The following BBS9 variants were observed in gnomAD, a reference collection of about 807,000 sequenced individuals.
BBS9 encodes the protein protein PTHB1.
A neutral mutation model predicts 117.7 loss-of-function variants in BBS9; 89 were observed. That is an observed-to-expected ratio of 0.76 (90% CI 0.64 to 0.90). The LOEUF (loss-of-function observed/expected upper bound fraction) is 0.90. BBS9 is among the 40% of genes least tolerant of loss of function. The probability of loss-of-function intolerance (pLI) is 0.00; values close to 1 mark genes in which losing one functional copy is unlikely to be tolerated. For missense variants in BBS9, 982 were observed against 1,042.2 expected (o/e 0.94, Z 0.80); for synonymous variants, 379 against 370.9 (o/e 1.02, Z -0.25).
At chr7:33,483,383 C>G (rs1842728706) in intron 19 of BBS9, among the ~76,000 whole-genome samples, 1 of 152,142 alleles carries the variant, frequency 6.6e-6, no homozygotes, top group Non-Finnish European at 1.5e-5. Flanking sequence ...TGGCTCTGTT[C>G]AATGATAATG....
intron 21 of BBS9, among the ~76,000 whole-genome samples, chr7:33,571,091 G>T (rs1255671451): frequency 6.6e-6 from 1 of 152,260 alleles, no homozygotes; most frequent in Middle Eastern, 3.4e-3. Context: ...TTTTACTGTG[G>T]TTATATAAGA....
intron 19 of BBS9, among the ~76,000 whole-genome samples, chr7:33,428,310 A>T (rs1032146409): frequency 6.6e-6 from 1 of 152,188 alleles, no homozygotes; most frequent in African/African-American, 2.4e-5. Context: ...TTGAGTCAAT[A>T]TGCCGAATTC....
intron 21 of BBS9, among the ~76,000 whole-genome samples, chr7:33,628,977 C>A (rs1865765626): frequency 6.6e-6 from 1 of 152,146 alleles, no homozygotes; most frequent in South Asian, 2.1e-4. Flanking sequence ...CAGTAGTGCA[C>A]CCAGAGAACC....
chr7:33,224,718 G>A (rs150124790), intron 5 of BBS9, among the ~76,000 whole-genome samples: 56 of 152,240 alleles, frequency 3.7e-4, no homozygotes, highest in Non-Finnish European at 7.5e-4. Flanking sequence ...TCTTGTAAAT[G>A]TGTTCCTCTG....
chr7:33,528,916 C>T (rs1274712939), intron 20 of BBS9, among the ~76,000 whole-genome samples: 1 of 152,206 alleles, frequency 6.6e-6, no homozygotes, highest in African/African-American at 2.4e-5. Flanking sequence ...CAAGTGTGGT[C>T]AAACTTTCTG....
At chr7:33,172,777 A>T (rs1011288162) in intron 4 of BBS9, among the ~76,000 whole-genome samples, 5 of 152,198 alleles carry the variant, frequency 3.3e-5, no homozygotes, top group African/African-American at 9.7e-5. Flanking sequence ...ATTATATTCC[A>T]TATGTACATA....
chr7:33,582,573 CAAGGTCA>C (rs1351877498), intron 21 of BBS9, among the ~76,000 whole-genome samples: 1 of 152,032 alleles, frequency 6.6e-6, no homozygotes, highest in African/African-American at 2.4e-5. Context: ...CTGATGCTCA[CAAGGTCA>C]AAGTTACATA....
chr7:33,224,219 T>C (rs548508594), intron 5 of BBS9, among the ~76,000 whole-genome samples: 1 of 152,000 alleles, frequency 6.6e-6, no homozygotes, highest in African/African-American at 2.4e-5. Flanking sequence ...GCCAAAACAA[T>C]GTTGTCAGGT....
chr7:33,414,893 G>A (rs1006488313), intron 19 of BBS9, among the ~76,000 whole-genome samples: 1 of 152,006 alleles, frequency 6.6e-6, no homozygotes, highest in Non-Finnish European at 1.5e-5. Flanking sequence ...GTTTACCGTC[G>A]ACTATTTGGA....
At chr7:33,448,149 T>C (rs1837269346) in intron 19 of BBS9, among the ~76,000 whole-genome samples, 1 of 152,178 alleles carries the variant, frequency 6.6e-6, no homozygotes, top group African/African-American at 2.4e-5. Flanking sequence ...TTTTCCGGAC[T>C]CTGCTTGTCC....
At chr7:33,496,004 G>A (rs1158647704) in intron 19 of BBS9, among the ~76,000 whole-genome samples, 1 of 152,018 alleles carries the variant, frequency 6.6e-6, no homozygotes, top group Non-Finnish European at 1.5e-5. Flanking sequence ...ATTGGTGTCC[G>A]GGATAATTGT....
intron 9 of BBS9, among the ~76,000 whole-genome samples, chr7:33,301,891 C>A (rs189269462): frequency 6.6e-6 from 1 of 152,262 alleles, no homozygotes; most frequent in Admixed American, 6.5e-5. Context: ...TACATTTCCA[C>A]CAACAATGTA....
chr7:33,501,812 G>A (rs894369235), intron 19 of BBS9, among the ~76,000 whole-genome samples: 3 of 152,190 alleles, frequency 2.0e-5, no homozygotes, highest in African/African-American at 7.2e-5. Flanking sequence ...ACAGAGTTAA[G>A]TGAATGCTTT....
intron 4 of BBS9, 132 bp from the exon 5 acceptor site, chr7:33,177,346 A>C: frequency 1.5e-6 from 1 of 681,168 alleles, no homozygotes; most frequent in Non-Finnish European, 2.6e-6. Context: ...AATTTTTCAC[A>C]ATACATAATA....
intron 21 of BBS9, among the ~76,000 whole-genome samples, chr7:33,601,545 A>G (rs1863793706): frequency 6.6e-6 from 1 of 152,146 alleles, no homozygotes; most frequent in Admixed American, 6.5e-5. Context: ...AAAGTATCAG[A>G]TATACTCATC....
intron 5 of BBS9, among the ~76,000 whole-genome samples, chr7:33,185,088 A>G (rs983089747): frequency 4.6e-5 from 7 of 152,162 alleles, no homozygotes; most frequent in Non-Finnish European, 8.8e-5. Flanking sequence ...ATGCTAATGC[A>G]TTATAATTAG....
intron 21 of BBS9, among the ~76,000 whole-genome samples, chr7:33,540,533 C>A (rs1585181856): frequency 6.6e-6 from 1 of 152,180 alleles, no homozygotes; most frequent in Non-Finnish European, 1.5e-5. Context: ...CTTGCTCTTT[C>A]TCTTCCATAT....
At chr7:33,190,394 A>G (rs1488412500) in intron 5 of BBS9, among the ~76,000 whole-genome samples, 1 of 152,048 alleles carries the variant, frequency 6.6e-6, no homozygotes, top group Non-Finnish European at 1.5e-5. Context: ...CAAACCTCCC[A>G]TTTCCTGCAG....
chr7:33,553,942 T>G (rs540384499), intron 21 of BBS9, among the ~76,000 whole-genome samples: 9 of 152,086 alleles, frequency 5.9e-5, no homozygotes, highest in Admixed American at 5.9e-4. Context: ...AGTGAAACAA[T>G]GAGTTGAGAG....
Sources: allele counts gnomAD v4.1 joint callset (sites outside exome capture counted in the v4.1 genomes callset), GRCh38; gene constraint gnomAD v4.1.1; transcripts MANE v1.5; gene names NCBI Gene and HGNC (gene_info 2026-07-23, HGNC 2026-07-21).